The following PRKRIP1 variants were observed in gnomAD, a reference collection of about 807,000 sequenced individuals.
PRKRIP1 encodes the protein PRKR-interacting protein 1.
In PRKRIP1, 29 loss-of-function variants were observed where a neutral mutation model predicts 29.3. That is an observed-to-expected ratio of 0.99 (90% CI 0.74 to 1.35). PRKRIP1 has a LOEUF of 1.35. Ranked by LOEUF, PRKRIP1 falls within the 40% of genes most tolerant of loss-of-function variation. PRKRIP1 has a pLI of 0.00. For synonymous variants in PRKRIP1, 90 were observed against 85.1 expected, an observed-to-expected ratio of 1.06 and a Z score of -0.32; for missense variants, 247 against 236.8, an observed-to-expected ratio of 1.04 and a Z score of -0.28.
chr7:102,399,564 C>T lies in PRKRIP1; in HGVS notation c.222C>T (p.Ala74=), dbSNP rs150098085. ...TGGCTACAGGTTCAAGTGCTGGGGC[C>T]GGCAGTGGAGAGTTCCACGTGTACA... ...VRDVMGSSAG[A]GSGEFHVYRH... is the part of the protein sequence containing the mutation. The change falls in exon 3 of 6, where the codon GCC becomes GCT. Residue 74 remains alanine, a synonymous_variant. Coordinates refer to ENST00000397912, the MANE Select transcript of PRKRIP1 (RefSeq NM_024653.4). The T allele has an allele frequency of 2.2e-4, 348 of 1,613,810 alleles. No individual in the cohort carries two copies. Among genetic ancestry groups the T allele is most frequent in the Non-Finnish European group, 2.5e-4 (298 of 1,179,932 alleles).
chr7:102,426,471 G>A lies in PRKRIP1; in HGVS notation c.*1360G>A, dbSNP rs1407843728. On this transcript the variant is annotated 3_prime_UTR_variant, in exon 6 of 6. Coordinates refer to ENST00000397912, the MANE Select transcript of PRKRIP1 (RefSeq NM_024653.4). ...AGAACTAAGGAAATAGTGGTTTTGA[G>A]TGAAGGGAAAGGAAACCCAGAAACA... 2 of 152,694 alleles carry A rather than the reference G, an allele frequency of 1.3e-5. No homozygotes were observed. The highest frequency in any genetic ancestry group is 2.9e-5 in the Non-Finnish European group (2 of 68,070). The allele number at this position is 152,694 out of a possible 1,614,324, so 9.5% of individuals were successfully genotyped here.
At chr7:102,415,432 C>T (rs1405476520) in intron 5 of PRKRIP1, among the ~76,000 whole-genome samples, 8 of 152,188 alleles carry the variant, frequency 5.3e-5, no homozygotes, top group African/African-American at 1.4e-4. Context: ...GATGGGGTTT[C>T]GCCATGTTGG....
intron 4 of PRKRIP1, among the ~76,000 whole-genome samples, chr7:102,406,094 G>A (rs1187265643): frequency 6.6e-6 from 1 of 152,110 alleles, no homozygotes; most frequent in Admixed American, 6.5e-5. Context: ...ACTCGTGGTC[G>A]GGCATTGTCC....
intron 5 of PRKRIP1, among the ~76,000 whole-genome samples, chr7:102,417,137 G>A (rs1796575049): frequency 6.6e-6 from 1 of 151,996 alleles, no homozygotes. Flanking sequence ...TTACATGTGT[G>A]AGCCACCACA....
chr7:102,403,433 A>T (rs1467473246), intron 3 of PRKRIP1, among the ~76,000 whole-genome samples: 1 of 152,070 alleles, frequency 6.6e-6, no homozygotes, highest in African/African-American at 2.4e-5. Context: ...ATTGACCTTT[A>T]TGGCTGTGAC....
intron 3 of PRKRIP1, 48 bp downstream of exon 3, chr7:102,399,696 C>T (rs372797762): frequency 2.1e-6 from 3 of 1,426,734 alleles, no homozygotes; most frequent in Admixed American, 1.7e-5. Context: ...GGGCAGTGTG[C>T]GTGTACTTTC....
intron 5 of PRKRIP1, among the ~76,000 whole-genome samples, chr7:102,411,899 A>G (rs1279897260): frequency 1.3e-5 from 2 of 150,630 alleles, no homozygotes; most frequent in African/African-American, 4.9e-5. Context: ...CATTTCCCTA[A>G]TGATTTGTGA....
At chr7:102,408,961 G>A (rs1796302851) in intron 5 of PRKRIP1, among the ~76,000 whole-genome samples, 1 of 152,182 alleles carries the variant, frequency 6.6e-6, no homozygotes, top group African/African-American at 2.4e-5. Context: ...ATCACCTGAG[G>A]TCAAGAGTTC....
At chr7:102,415,042 G>A (rs1563620566) in intron 5 of PRKRIP1, among the ~76,000 whole-genome samples, 1 of 152,050 alleles carries the variant, frequency 6.6e-6, no homozygotes, top group Non-Finnish European at 1.5e-5. Context: ...TATGTAACAG[G>A]GTACACTCTC....
intron 5 of PRKRIP1, among the ~76,000 whole-genome samples, chr7:102,417,760 G>A (rs1796593590): frequency 6.6e-6 from 1 of 151,466 alleles, no homozygotes; most frequent in Admixed American, 6.6e-5. Flanking sequence ...TGGGCCCACA[G>A]GCATGCACCA....
chr7:102,402,148 A>G lies in PRKRIP1; in HGVS notation c.307-2450A>G, dbSNP rs2133168583. Among the ~76,000 whole-genome samples the G allele has an allele frequency of 2.0e-5, 3 of 152,288 alleles. No homozygotes were observed. In the South Asian group the frequency reaches 6.2e-4, roughly 32 times the overall value. ...GCCTGTCAAAAATAATGCTCTGTGT[A>G]TAGAAACCATCAAGCTGGGTGCGGC... On this transcript the variant is annotated intron_variant, in intron 3 of 5. Coordinates refer to ENST00000397912, the MANE Select transcript of PRKRIP1 (RefSeq NM_024653.4).
At chr7:102,399,491 G>T (rs1554570909) in intron 2 of PRKRIP1, 57 bp from the exon 3 acceptor site, 1 of 1,398,178 alleles carries the variant, frequency 7.2e-7, no homozygotes, top group Non-Finnish European at 1.0e-6. Context: ...CTCGATTAAG[G>T]GTGACCTGTG....
intron 3 of PRKRIP1, chr7:102,404,359 A>C: frequency 2.1e-6 from 1 of 470,126 alleles, no homozygotes; most frequent in Admixed American, 3.3e-5. Flanking sequence ...ATATTGTGCT[A>C]TGCATGAGTG....
chr7:102,420,828 C>G (rs755338127), intron 5 of PRKRIP1, among the ~76,000 whole-genome samples: 3 of 152,154 alleles, frequency 2.0e-5, no homozygotes, highest in Admixed American at 6.6e-5. Flanking sequence ...AGGTCACAGT[C>G]GAAACGCAGA....
chr7:102,420,105 C>T (rs1300162142), intron 5 of PRKRIP1, among the ~76,000 whole-genome samples: 3 of 152,106 alleles, frequency 2.0e-5, no homozygotes, highest in Non-Finnish European at 4.4e-5. Context: ...AGGCTGGTCT[C>T]GAACTCGTGA....
At chr7:102,406,107 G>T (rs1796213134) in intron 4 of PRKRIP1, among the ~76,000 whole-genome samples, 1 of 152,114 alleles carries the variant, frequency 6.6e-6, no homozygotes, top group South Asian at 2.1e-4. Flanking sequence ...CATTGTCCTG[G>T]GGAAGAATTG....
intron 5 of PRKRIP1, among the ~76,000 whole-genome samples, chr7:102,418,932 G>A (rs534609850): frequency 1.3e-5 from 2 of 151,864 alleles, no homozygotes; most frequent in South Asian, 4.2e-4. Context: ...CTGGGCTCAA[G>A]CGATCCTCCG....
chr7:102,404,477 G>A lies in PRKRIP1; in HGVS notation c.307-121G>A, dbSNP rs1349347356. 38 of 750,102 alleles carry A rather than the reference G, an allele frequency of 5.1e-5. No individual in the cohort carries two copies. In the Middle Eastern group the frequency reaches 1.4e-3, roughly 28 times the overall value. The allele number at this position is 750,102 out of a possible 1,614,324, so 46.5% of individuals were successfully genotyped here. A position where few individuals can be genotyped will look rare whatever the true frequency, so the allele number is the denominator to read the frequency against. ...AAAGTTAAAATGGCCCTGGGGACCC[G>A]GGTAGTGCCTCCGTCACCCCCAGTG... On this transcript the variant is annotated intron_variant, in intron 3 of 5. Transcript: ENST00000397912.
chr7:102,398,820 T>C (rs782124515), intron 2 of PRKRIP1, among the ~76,000 whole-genome samples: 2 of 152,174 alleles, frequency 1.3e-5, no homozygotes, highest in Non-Finnish European at 2.9e-5. Context: ...TAATGTGCAA[T>C]AGCATTATGT....
Sources: allele counts gnomAD v4.1 joint callset (sites outside exome capture counted in the v4.1 genomes callset), GRCh38; gene constraint gnomAD v4.1.1; transcripts MANE v1.5; gene names NCBI Gene and HGNC (gene_info 2026-07-23, HGNC 2026-07-21).